WWOX: variants seen among roughly 807,000 people sequenced by gnomAD.
WWOX encodes WW domain-containing oxidoreductase.
A neutral mutation model predicts 46.2 loss-of-function variants in WWOX; 69 were observed. That is an observed-to-expected ratio of 1.49 (90% confidence interval 1.23 to 1.82). The LOEUF (loss-of-function observed/expected upper bound fraction) is 1.82. Among genes scored for constraint, WWOX ranks in the 40% most tolerant of loss-of-function variants. The pLI is 0.00. For missense variants in WWOX, 919 were observed against 542.6 expected (o/e 1.69, Z -6.89); for synonymous variants, 359 against 202.6 (o/e 1.77, Z -6.56).
At chr16:79,125,006 T>A (rs1210941564) in intron 8 of WWOX, among the ~76,000 whole-genome samples, 1 of 152,032 alleles carries the variant, frequency 6.6e-6, no homozygotes, top group Non-Finnish European at 1.5e-5. Context: ...CAGCTGGGAT[T>A]ATAATCCATG....
intron 8 of WWOX, among the ~76,000 whole-genome samples, chr16:78,691,837 C>T (rs1220076532): frequency 1.3e-5 from 2 of 152,204 alleles, no homozygotes. Context: ...CAAATCTCAA[C>T]TTGAATTGTA....
At chr16:79,183,495 T>C (rs1189389988) in intron 8 of WWOX, among the ~76,000 whole-genome samples, 1 of 152,200 alleles carries the variant, frequency 6.6e-6, no homozygotes, top group Non-Finnish European at 1.5e-5. Flanking sequence ...AAGATACACA[T>C]TTTATTTTTT....
At chr16:78,556,746 C>G (rs112875230) in intron 8 of WWOX, among the ~76,000 whole-genome samples, 4 of 152,196 alleles carry the variant, frequency 2.6e-5, no homozygotes, top group Non-Finnish European at 2.9e-5. Context: ...GATGGACTTT[C>G]GCTTTTTTGC....
At chr16:78,344,051 T>A (rs1256900364) in intron 5 of WWOX, among the ~76,000 whole-genome samples, 2 of 118,804 alleles carry the variant, frequency 1.7e-5, no homozygotes, top group African/African-American at 5.7e-5. Context: ...CTCCTCACCA[T>A]CAAGAAATGT....
At chr16:78,944,548 G>A (rs1252021758) in intron 8 of WWOX, among the ~76,000 whole-genome samples, 2 of 152,108 alleles carry the variant, frequency 1.3e-5, no homozygotes, top group South Asian at 2.1e-4. Context: ...TCAAGCTGTG[G>A]TCTTGAGTTT....
chr16:78,429,641 A>G (rs752510626), intron 7 of WWOX, among the ~76,000 whole-genome samples: 13 of 152,162 alleles, frequency 8.5e-5, no homozygotes, highest in Admixed American at 2.0e-4. Flanking sequence ...TAGAGTTTTC[A>G]AGTCATGTCC....
chr16:79,066,122 T>C (rs2048436528), intron 8 of WWOX, among the ~76,000 whole-genome samples: 1 of 151,192 alleles, frequency 6.6e-6, no homozygotes, highest in Non-Finnish European at 1.5e-5. Context: ...TTTTGTGCAC[T>C]GCCCAAGAAC....
intron 8 of WWOX, among the ~76,000 whole-genome samples, chr16:79,177,429 A>T (rs1300129240): frequency 1.3e-5 from 2 of 152,088 alleles, no homozygotes. Flanking sequence ...CAAGGCTTTT[A>T]CACACTTCCG....
At chr16:78,344,759 G>A (rs543222326) in intron 5 of WWOX, among the ~76,000 whole-genome samples, 2 of 121,574 alleles carry the variant, frequency 1.6e-5, no homozygotes, top group East Asian at 3.9e-4. Flanking sequence ...TTGCCATTTG[G>A]CCCTGATAAA....
intron 8 of WWOX, among the ~76,000 whole-genome samples, chr16:78,613,130 C>G (rs115912539): frequency 6.6e-6 from 1 of 152,072 alleles, no homozygotes; most frequent in Non-Finnish European, 1.5e-5. Context: ...CCTGCTTGCT[C>G]CTCTGCTCAC....
chr16:78,528,960 CTT>C (rs371609463), intron 8 of WWOX, among the ~76,000 whole-genome samples: 2 of 126,782 alleles, frequency 1.6e-5, no homozygotes. Flanking sequence ...TTCTTTCTTT[CTT>C]TTTTTTTTTT....
chr16:78,557,189 C>T (rs536404366), intron 8 of WWOX, among the ~76,000 whole-genome samples: 1 of 152,036 alleles, frequency 6.6e-6, no homozygotes, highest in South Asian at 2.1e-4. Context: ...TTTCTGAATA[C>T]CCAAGCTTGC....
At chr16:79,031,837 A>G (rs2047762380) in intron 8 of WWOX, among the ~76,000 whole-genome samples, 2 of 141,190 alleles carry the variant, frequency 1.4e-5, no homozygotes. Context: ...TATGATATAT[A>G]TATCTTATTA....
chr16:78,356,111 C>T (rs1362677207), intron 5 of WWOX, among the ~76,000 whole-genome samples: 4 of 56,896 alleles, frequency 7.0e-5, no homozygotes, highest in African/African-American at 3.1e-4. Flanking sequence ...CGATTGAACC[C>T]GGGAGGTGGA....
intron 4 of WWOX, among the ~76,000 whole-genome samples, chr16:78,131,028 C>G (rs770601315): frequency 2.0e-5 from 3 of 152,206 alleles, no homozygotes; most frequent in Non-Finnish European, 4.4e-5. Flanking sequence ...GAACTGAATA[C>G]TATAGGCAGT....
chr16:78,585,994 T>A (rs918868298), intron 8 of WWOX, among the ~76,000 whole-genome samples: 2 of 152,030 alleles, frequency 1.3e-5, no homozygotes, highest in Non-Finnish European at 2.9e-5. Flanking sequence ...CCCAGGAGGT[T>A]AGAGACCAGC....
Position 78,339,382 on chromosome 16 carries a change from CAACT to C in WWOX, c.517-47477_517-47474del, listed in dbSNP as rs1229083773. On this transcript the variant is annotated intron_variant, in intron 5 of 8. Coordinates refer to ENST00000566780, the MANE Select transcript of WWOX (RefSeq NM_016373.4). ...CTTTTATTAGAAAAAAAAAAAAAAA[CAACT>C]CCCCTGGAGCCTTTGTACCTTCTGC... Among the ~76,000 whole-genome samples the C allele has an allele frequency of 1.1e-3, 81 of 72,400 alleles. 24 individuals carry two copies. Among genetic ancestry groups the C allele is most frequent in the Non-Finnish European group, 2.0e-3 (71 of 36,152 alleles). The allele number at this position is 72,400 out of a possible 152,430, so 47.5% of individuals were successfully genotyped here. A position where few individuals can be genotyped will look rare whatever the true frequency, so the allele number is the denominator to read the frequency against.
At chr16:78,135,434 C>G (rs1466050195) in intron 4 of WWOX, among the ~76,000 whole-genome samples, 1 of 152,152 alleles carries the variant, frequency 6.6e-6, no homozygotes, top group Non-Finnish European at 1.5e-5. Context: ...GGATTTTTAA[C>G]TATACAGTTG....
chr16:78,154,664 G>C (rs2034536950), intron 4 of WWOX, among the ~76,000 whole-genome samples: 1 of 152,014 alleles, frequency 6.6e-6, no homozygotes, highest in East Asian at 1.9e-4. Flanking sequence ...CCCTGAGCCT[G>C]CTACCCTTGT....
Sources: allele counts gnomAD v4.1 joint callset (sites outside exome capture counted in the v4.1 genomes callset), GRCh38; gene constraint gnomAD v4.1.1; transcripts MANE v1.5; gene names NCBI Gene and HGNC (gene_info 2026-07-23, HGNC 2026-07-21).